Variants in TRIM44 observed in about 807,000 individuals in gnomAD.
TRIM44 encodes tripartite motif-containing protein 44.
Under a neutral mutation model 37.4 loss-of-function variants are expected in TRIM44, and 13 were observed. That is an observed-to-expected ratio of 0.35 (90% CI 0.23 to 0.55). The LOEUF (loss-of-function observed/expected upper bound fraction) is 0.55, where lower values mean the gene tolerates loss of function less well. TRIM44 is among the 20% of genes least tolerant of loss of function. The probability of loss-of-function intolerance (pLI) is 0.89; values close to 1 mark genes in which losing one functional copy is unlikely to be tolerated. For missense variants in TRIM44, 426 were observed against 437.2 expected (o/e 0.97, Z 0.23); for synonymous variants, 175 against 157.2 (o/e 1.11, Z -0.85).
chr11:35,686,906 A>G (rs1477981073), intron 2 of TRIM44, among the ~76,000 whole-genome samples: 1 of 152,104 alleles, frequency 6.6e-6, no homozygotes, highest in Admixed American at 6.5e-5. Flanking sequence ...GAGCTTTTTT[A>G]CTATCCCAAA....
intron 4 of TRIM44, among the ~76,000 whole-genome samples, chr11:35,754,570 G>A (rs936140280): frequency 5.9e-5 from 9 of 151,868 alleles, no homozygotes; most frequent in Non-Finnish European, 1.2e-4. Context: ...TTAGTTACAT[G>A]TGTATACATG....
At chr11:35,678,430 G>A (rs1379056402) in intron 1 of TRIM44, among the ~76,000 whole-genome samples, 1 of 152,124 alleles carries the variant, frequency 6.6e-6, no homozygotes, top group Non-Finnish European at 1.5e-5. Flanking sequence ...TAAAAGTGAT[G>A]GCCTAGTGTA....
chr11:35,664,930 G>A (rs1174117), intron 1 of TRIM44, among the ~76,000 whole-genome samples: 112,820 of 152,128 alleles, frequency 0.74, 42,994 homozygotes, highest in African/African-American at 0.93. Flanking sequence ...TTTACTCCAT[G>A]TGTATGCATT....
intron 4 of TRIM44, among the ~76,000 whole-genome samples, chr11:35,772,725 A>G (rs1852890837): frequency 6.6e-6 from 1 of 152,160 alleles, no homozygotes; most frequent in African/African-American, 2.4e-5. Flanking sequence ...CCCCCATTGT[A>G]TCTAGGAAGT....
intron 2 of TRIM44, among the ~76,000 whole-genome samples, chr11:35,712,243 A>G (rs1159775386): frequency 9.2e-5 from 14 of 152,218 alleles, no homozygotes; most frequent in Admixed American, 9.2e-4. Flanking sequence ...CAATGCATTG[A>G]AGCAAGTATG....
chr11:35,747,328 T>A (rs1852504436), intron 4 of TRIM44, among the ~76,000 whole-genome samples: 1 of 152,228 alleles, frequency 6.6e-6, no homozygotes, highest in Non-Finnish European at 1.5e-5. Flanking sequence ...TGAGGACAGT[T>A]ATTCTAATCC....
At chr11:35,768,402 AGTTGAGG>A (rs1298422309) in intron 4 of TRIM44, among the ~76,000 whole-genome samples, 1 of 152,180 alleles carries the variant, frequency 6.6e-6, no homozygotes. Context: ...CACAGCTAGA[AGTTGAGG>A]GTTCGCACTC....
intron 4 of TRIM44, among the ~76,000 whole-genome samples, chr11:35,792,111 ACTCT>A (rs775490025): frequency 1.7e-5 from 2 of 114,298 alleles, no homozygotes; most frequent in African/African-American, 7.4e-5. Flanking sequence ...ACACACACAC[ACTCT>A]CTCTCATCAT....
chr11:35,663,501 G>A lies in TRIM44; in HGVS notation c.390G>A (p.Glu130=). 5 of 1,585,160 alleles carry A rather than the reference G, an allele frequency of 3.2e-6. No homozygotes were observed. The South Asian group carries it at 4.5e-5, about 14-fold the overall frequency. Residue 130 remains glutamate (E), a synonymous_variant, in exon 1 of 5, where the codon GAG becomes GAA. Coordinates refer to ENST00000299413, the MANE Select transcript of TRIM44 (RefSeq NM_017583.6). ...ATGAGGAGAGTGAAGAAGACAGCGA[G>A]GAAGAAATGGAGGATGAGCAAGAAA... is the stretch of plus-strand genomic sequence containing the variant. ...ESDEESEEDS[E]EEMEDEQESE...
chr11:35,717,855 A>G (rs1029144124), intron 2 of TRIM44, among the ~76,000 whole-genome samples: 8 of 152,120 alleles, frequency 5.3e-5, no homozygotes, highest in Non-Finnish European at 1.2e-4. Flanking sequence ...ATAAAAAATG[A>G]AAAGCCAAAC....
chr11:35,732,961 T>G (rs1233012852), intron 3 of TRIM44, among the ~76,000 whole-genome samples: 2 of 152,232 alleles, frequency 1.3e-5, no homozygotes. Context: ...AGCAAAACTT[T>G]GTGTCCCATC....
At chr11:35,708,655 G>GT (rs1851921818) in intron 2 of TRIM44, among the ~76,000 whole-genome samples, 1 of 150,660 alleles carries the variant, frequency 6.6e-6, no homozygotes. Context: ...GTAAACTATC[G>GT]TAAGAACAAA....
At chr11:35,679,687 G>A (rs1047234441) in intron 1 of TRIM44, among the ~76,000 whole-genome samples, 3 of 152,152 alleles carry the variant, frequency 2.0e-5, no homozygotes, top group Admixed American at 2.0e-4. Flanking sequence ...AAAGAAGCTA[G>A]AAATCTTTAT....
intron 2 of TRIM44, among the ~76,000 whole-genome samples, chr11:35,712,941 C>G (rs1851996912): frequency 6.6e-6 from 1 of 152,200 alleles, no homozygotes; most frequent in Non-Finnish European, 1.5e-5. Context: ...AGTTCAAGCT[C>G]TCATTCAGTT....
In TRIM44 at chr11:35,663,338, C is replaced by T; in HGVS notation, c.227C>T (p.Ala76Val). Residue 76 changes from alanine to valine, a missense_variant, in exon 1 of 5, where the codon GCG becomes GTG. Transcript: ENST00000299413. ...AWTPPADGEG[A>V]GKEEAEVKVE... ...ACCCCGCCAGCTGACGGAGAGGGGG[C>T]GGGGAAGGAAGAAGCGGAGGTCAAG... 1 of 1,613,548 alleles carries T rather than the reference C, an allele frequency of 6.2e-7. No individual in the cohort carries two copies. The highest frequency in any genetic ancestry group is 1.1e-5 in the South Asian group (1 of 91,002).
At chr11:35,756,118 T>C (rs956461412) in intron 4 of TRIM44, among the ~76,000 whole-genome samples, 12 of 151,636 alleles carry the variant, frequency 7.9e-5, no homozygotes, top group African/African-American at 2.7e-4. Flanking sequence ...TTCACAATAT[T>C]GATTCTTCCT....
At chr11:35,804,860 G>C (rs1646700956) in intron 4 of TRIM44, among the ~76,000 whole-genome samples, 1 of 152,182 alleles carries the variant, frequency 6.6e-6, no homozygotes, top group African/African-American at 2.4e-5. Flanking sequence ...CACTTAACTT[G>C]CAGGACCTGT....
chr11:35,817,495 C>T lies in TRIM44; in HGVS notation c.*11110C>T, dbSNP rs1853593277. ...GACAGTGATAACAGAAAAATTGTTC[C>T]TCTAAGAGTCCCAAGTCATCTTTTT... On this transcript the variant is annotated 3_prime_UTR_variant, in exon 5 of 5. Coordinates refer to ENST00000299413, the MANE Select transcript of TRIM44 (RefSeq NM_017583.6). 6.6e-6 allele frequency: 1 copy of T among 152,148 alleles called. No individual in the cohort carries two copies. Among genetic ancestry groups the T allele is most frequent in the African/African-American group, 2.4e-5 (1 of 41,424 alleles). The allele number at this position is 152,148 out of a possible 1,614,324, so 9.4% of individuals were successfully genotyped here. A position where few individuals can be genotyped will look rare whatever the true frequency, so the allele number is the denominator to read the frequency against.
intron 4 of TRIM44, among the ~76,000 whole-genome samples, chr11:35,756,101 G>A (rs2133856289): frequency 6.6e-6 from 1 of 152,312 alleles, no homozygotes; most frequent in Non-Finnish European, 1.5e-5. Context: ...TGGGCAGTAT[G>A]GCCATTTTCA....
Sources: allele counts gnomAD v4.1 joint callset (sites outside exome capture counted in the v4.1 genomes callset), GRCh38; gene constraint gnomAD v4.1.1; transcripts MANE v1.5; gene names NCBI Gene and HGNC (gene_info 2026-07-23, HGNC 2026-07-21).